Variants in LRPPRC observed in about 807,000 individuals in gnomAD.
The protein encoded by LRPPRC is leucine rich pentatricopeptide repeat containing.
LRPPRC carries 120 observed loss-of-function variants against 180.3 expected under a neutral mutation model. The ratio of observed to expected loss-of-function variants is 0.67; its 90% CI spans 0.57 to 0.77. The LOEUF is 0.77. Ranked by LOEUF, LRPPRC falls within the 30% of genes least tolerant of loss-of-function variation. The pLI is 0.00. For synonymous variants in LRPPRC, 723 were observed against 600.0 expected (o/e 1.21, Z -3.00); for missense variants, 2,012 against 1,657.2 (o/e 1.21, Z -3.72).
At chr2:43,935,123 G>T (rs1407943098) in intron 23 of LRPPRC, among the ~76,000 whole-genome samples, 1 of 152,162 alleles carries the variant, frequency 6.6e-6, no homozygotes, top group Non-Finnish European at 1.5e-5. Flanking sequence ...ATTATTTCGT[G>T]TGTTAAAGGG....
intron 3 of LRPPRC, among the ~76,000 whole-genome samples, chr2:43,978,462 A>C (rs1230567245): frequency 2.6e-5 from 4 of 152,168 alleles, no homozygotes; most frequent in Admixed American, 2.6e-4. Context: ...CTTTATATGG[A>C]GGAATTAATG....
At chr2:43,915,157 G>A (rs1671403465) in intron 29 of LRPPRC, among the ~76,000 whole-genome samples, 1 of 147,150 alleles carries the variant, frequency 6.8e-6, no homozygotes, top group Non-Finnish European at 1.5e-5. Flanking sequence ...CCAGAAGGCA[G>A]AGGTTGCGCC....
At chr2:43,952,049 C>T (rs1672926852) in intron 14 of LRPPRC, among the ~76,000 whole-genome samples, 1 of 152,058 alleles carries the variant, frequency 6.6e-6, no homozygotes, top group Non-Finnish European at 1.5e-5. Context: ...CAAAATTAGC[C>T]AGGCGTGGTG....
intron 23 of LRPPRC, among the ~76,000 whole-genome samples, chr2:43,939,595 G>C (rs908277290): frequency 6.6e-6 from 1 of 152,170 alleles, no homozygotes; most frequent in South Asian, 2.1e-4. Flanking sequence ...CAATTCAAGA[G>C]AAACCATCAT....
At chr2:43,917,794 A>T (rs903562431) in intron 29 of LRPPRC, among the ~76,000 whole-genome samples, 1 of 152,174 alleles carries the variant, frequency 6.6e-6, no homozygotes, top group African/African-American at 2.4e-5. Flanking sequence ...ATCTCAAAAA[A>T]AATAATAAAA....
At chr2:43,949,269 T>TTAATTA (rs1348135935) in intron 16 of LRPPRC, among the ~76,000 whole-genome samples, 9 of 152,218 alleles carry the variant, frequency 5.9e-5, no homozygotes, top group Non-Finnish European at 1.2e-4. Flanking sequence ...CTACATTTTA[T>TTAATTA]GTTTAAAATT....
intron 1 of LRPPRC, among the ~76,000 whole-genome samples, chr2:43,994,826 ATC>A (rs1674950401): frequency 6.6e-6 from 1 of 152,170 alleles, no homozygotes; most frequent in African/African-American, 2.4e-5. Flanking sequence ...TACCAAACCT[ATC>A]TCTGATAAAC....
At chr2:43,934,343 C>A (rs1347614417) in intron 24 of LRPPRC, 47 bp from the exon 25 acceptor site, 6 of 859,544 alleles carry the variant, frequency 7.0e-6, no homozygotes, top group Non-Finnish European at 7.6e-6. Flanking sequence ...AAAAAAAACC[C>A]AGAAAAACAG....
rs893814375 is a variant in LRPPRC, at chr2:43,899,077, G to A, written c.3825+142C>T. The A allele has an allele frequency of 1.0e-4, 70 of 692,108 alleles. 1 individual carries two copies. The highest frequency in any genetic ancestry group is 8.8e-4 in the African/African-American group (50 of 56,806). 42.9% of individuals were successfully genotyped at this position (692,108 alleles called of 1,614,324 possible). A position where few individuals can be genotyped will look rare whatever the true frequency, so the allele number is the denominator to read the frequency against. Reference sequence around the variant, plus strand: ...ACCATCCAGTCCTTGTCCTGCAACCGTGATTCACACTGAATGTAAACAAGC... The same window carrying A: ...ACCATCCAGTCCTTGTCCTGCAACCATGATTCACACTGAATGTAAACAAGC... On this transcript the variant is annotated intron_variant, in intron 34 of 37. Transcript: ENST00000260665.
At chr2:43,954,240 C>T (rs1423140148) in intron 14 of LRPPRC, among the ~76,000 whole-genome samples, 3 of 152,084 alleles carry the variant, frequency 2.0e-5, no homozygotes, top group Admixed American at 2.0e-4. Flanking sequence ...CCCTCAAATG[C>T]AATACCTTAC....
intron 14 of LRPPRC, among the ~76,000 whole-genome samples, chr2:43,954,733 T>C (rs576154273): frequency 6.6e-6 from 1 of 152,312 alleles, no homozygotes; most frequent in African/African-American, 2.4e-5. Context: ...CACTTTGTTT[T>C]GGTAGTGGCA....
At chr2:43,939,568 T>C (rs1196913147) in intron 23 of LRPPRC, among the ~76,000 whole-genome samples, 1 of 152,216 alleles carries the variant, frequency 6.6e-6, no homozygotes, top group Non-Finnish European at 1.5e-5. Flanking sequence ...CAGCAGATGT[T>C]CAATATGGGA....
chr2:43,912,401 C>G (rs553300511), intron 30 of LRPPRC, 31 bp downstream of exon 30: 1 of 1,596,976 alleles, frequency 6.3e-7, no homozygotes, highest in African/African-American at 1.3e-5. Flanking sequence ...CTTTTTTAAA[C>G]AAGAGGTTTA....
intron 19 of LRPPRC, 144 bp downstream of exon 19, chr2:43,947,587 G>T: frequency 1.5e-6 from 1 of 672,026 alleles, no homozygotes. Flanking sequence ...TTTTTCTGAG[G>T]TGGGGAACAG....
chr2:43,935,092 A>C (rs1300030267), intron 23 of LRPPRC, among the ~76,000 whole-genome samples: 1 of 152,160 alleles, frequency 6.6e-6, no homozygotes, highest in Non-Finnish European at 1.5e-5. Context: ...GCAATCCACT[A>C]TTTACCCTGC....
At chr2:43,908,969 C>A (rs1352002725) in intron 30 of LRPPRC, among the ~76,000 whole-genome samples, 1 of 152,160 alleles carries the variant, frequency 6.6e-6, no homozygotes, top group African/African-American at 2.4e-5. Flanking sequence ...CTCATTTGAC[C>A]ACCATATTAT....
At chr2:43,918,800 T>TATATATATAG (rs1671579491) in intron 27 of LRPPRC, among the ~76,000 whole-genome samples, 1 of 136,754 alleles carries the variant, frequency 7.3e-6, no homozygotes, top group Non-Finnish European at 1.5e-5. Context: ...TAGATATATA[T>TATATATATAG]ATATATATAG....
chr2:43,919,133 A>C (rs1671605021), intron 27 of LRPPRC, among the ~76,000 whole-genome samples: 1 of 151,946 alleles, frequency 6.6e-6, no homozygotes, highest in African/African-American at 2.4e-5. Context: ...AGGAGTGCCA[A>C]CTCTATTGTG....
In LRPPRC at chr2:43,887,143, C is replaced by CCAAAAAAAAAAA. The variant is rs1670296432; in HGVS notation, c.*1456_*1457insTTTTTTTTTTTG. On this transcript the variant is annotated 3_prime_UTR_variant, in exon 38 of 38. Transcript: ENST00000260665. ...CTTAAGCAACAGAGCAAGACTATCT[C>CCAAAAAAAAAAA]AAAAAAAAAAAAAAAAAAAAAGATG... 1.4e-5 allele frequency: 1 copy of CCAAAAAAAAAAA among 73,206 alleles called. No individual in the cohort carries two copies. Among genetic ancestry groups the CCAAAAAAAAAAA allele is most frequent in the Non-Finnish European group, 2.7e-5 (1 of 37,678 alleles). 4.5% of individuals were successfully genotyped at this position (73,206 alleles called of 1,614,324 possible).
Sources: gnomAD v4.1 joint callset for allele counts (sites outside exome capture counted in the v4.1 genomes callset) on GRCh38, gnomAD v4.1.1 for gene constraint, MANE v1.5 for transcripts, NCBI Gene and HGNC (gene_info 2026-07-23, HGNC 2026-07-21) for gene names.